The following KCNU1 variants were observed in gnomAD, a reference collection of about 807,000 sequenced individuals.
KCNU1 encodes potassium channel subfamily U member 1.
A neutral mutation model predicts 126.8 loss-of-function variants in KCNU1; 93 were observed. The ratio of observed to expected loss-of-function variants is 0.73; its 90% CI spans 0.62 to 0.87. KCNU1 has a LOEUF of 0.87. Among genes scored for constraint, KCNU1 ranks in the 40% least tolerant of loss-of-function variants. The pLI, the probability that KCNU1 is intolerant of heterozygous loss-of-function variation, is 0.00. For missense variants in KCNU1, 1,330 were observed against 1,367.1 expected, an observed-to-expected ratio of 0.97 and a Z score of 0.43; for synonymous variants, 523 against 494.2, an observed-to-expected ratio of 1.06 and a Z score of -0.77.
intron 19 of KCNU1, among the ~76,000 whole-genome samples, chr8:36,887,803 G>A (rs1585514720): frequency 6.6e-6 from 1 of 152,130 alleles, no homozygotes; most frequent in African/African-American, 2.4e-5. Flanking sequence ...TTTCTTAGGT[G>A]TAGGGTACAT....
chr8:36,901,689 G>C (rs752381890), intron 19 of KCNU1, among the ~76,000 whole-genome samples: 48 of 152,122 alleles, frequency 3.2e-4, no homozygotes, highest in Admixed American at 2.6e-4. Flanking sequence ...AAGGTTCATT[G>C]CTTCCTGGAT....
Position 36,886,015 on chromosome 8 carries a change from G to A in KCNU1, c.2010-19693G>A, listed in dbSNP as rs186722412. On this transcript the variant is annotated intron_variant, in intron 19 of 26. Transcript: ENST00000399881. The stretch of plus-strand genomic sequence containing the variant: ...AAAAACAGACCCACGAAAAATCTGA[G>A]ACTTCATCATACAATCATATAATCT... 1.7e-3 allele frequency among the ~76,000 whole-genome samples: 254 copies of A among 152,190 alleles called. 3 individuals carry two copies. The highest frequency in any genetic ancestry group is 0.013 in the South Asian group (63 of 4,818).
At chr8:36,873,373 A>G (rs1806171681) in intron 19 of KCNU1, among the ~76,000 whole-genome samples, 2 of 152,320 alleles carry the variant, frequency 1.3e-5, no homozygotes, top group African/African-American at 4.8e-5. Flanking sequence ...GTGAAAGTCA[A>G]AGACACAACC....
chr8:36,893,785 A>C (rs1807072855), intron 19 of KCNU1, among the ~76,000 whole-genome samples: 1 of 152,072 alleles, frequency 6.6e-6, no homozygotes, highest in South Asian at 2.1e-4. Context: ...TGATTTTGAT[A>C]ATTTTTTTGT....
At chr8:36,839,632 A>G (rs1804877508) in intron 14 of KCNU1, among the ~76,000 whole-genome samples, 1 of 152,162 alleles carries the variant, frequency 6.6e-6, no homozygotes, top group African/African-American at 2.4e-5. Context: ...TCCAAACTGC[A>G]TCACGACCAT....
chr8:36,873,087 A>T (rs2117370497), intron 19 of KCNU1, among the ~76,000 whole-genome samples: 1 of 152,272 alleles, frequency 6.6e-6, no homozygotes, highest in Non-Finnish European at 1.5e-5. Context: ...CTCAAAAAAT[A>T]AACTAACCAA....
intron 7 of KCNU1, among the ~76,000 whole-genome samples, chr8:36,810,187 G>A (rs534986558): frequency 6.6e-6 from 1 of 152,086 alleles, no homozygotes; most frequent in Non-Finnish European, 1.5e-5. Context: ...GGGAGGGACA[G>A]GTTGCAGTGA....
intron 22 of KCNU1, among the ~76,000 whole-genome samples, chr8:36,914,840 C>T (rs6468384): frequency 1.3e-5 from 2 of 151,938 alleles, no homozygotes; most frequent in Non-Finnish European, 2.9e-5. Context: ...TTAAATGTAC[C>T]GAAGTAATCT....
chr8:36,858,521 T>C (rs1022883378), intron 18 of KCNU1, among the ~76,000 whole-genome samples: 2 of 152,142 alleles, frequency 1.3e-5, no homozygotes, highest in African/African-American at 4.8e-5. Context: ...TTTAGTATAG[T>C]TTCATGCAGT....
At chr8:36,792,080 T>C (rs1385569307) in intron 2 of KCNU1, among the ~76,000 whole-genome samples, 2 of 152,174 alleles carry the variant, frequency 1.3e-5, no homozygotes, top group African/African-American at 4.8e-5. Context: ...TCTACACTGA[T>C]CATTTACGGA....
intron 22 of KCNU1, among the ~76,000 whole-genome samples, chr8:36,912,478 G>T (rs2117539851): frequency 6.6e-6 from 1 of 152,244 alleles, no homozygotes; most frequent in Middle Eastern, 3.4e-3. Context: ...TGAACAGCCA[G>T]ACTTAGGAGG....
intron 24 of KCNU1, among the ~76,000 whole-genome samples, chr8:36,925,055 T>A (rs559394166): frequency 2.0e-4 from 30 of 152,244 alleles, no homozygotes; most frequent in African/African-American, 7.2e-4. Flanking sequence ...CAGCACCTGA[T>A]CATGACATTG....
intron 19 of KCNU1, among the ~76,000 whole-genome samples, chr8:36,868,814 G>A (rs1199993174): frequency 6.6e-6 from 1 of 152,030 alleles, no homozygotes; most frequent in Non-Finnish European, 1.5e-5. Flanking sequence ...TTAAATCAAG[G>A]GATCACATGA....
intron 18 of KCNU1, among the ~76,000 whole-genome samples, chr8:36,858,190 A>AC (rs1424560175): frequency 6.6e-6 from 1 of 151,576 alleles, no homozygotes; most frequent in Non-Finnish European, 1.5e-5. Flanking sequence ...AAAAAAAAAA[A>AC]AAAAAAAAAC....
At chr8:36,921,648 G>T (rs915751162) in intron 23 of KCNU1, among the ~76,000 whole-genome samples, 1 of 132,828 alleles carries the variant, frequency 7.5e-6, no homozygotes, top group East Asian at 2.2e-4. Context: ...CAGCCTGGGC[G>T]ATGAAGTGAG....
chr8:36,792,930 G>T (rs532295472), intron 2 of KCNU1, among the ~76,000 whole-genome samples: 5 of 152,104 alleles, frequency 3.3e-5, no homozygotes, highest in African/African-American at 1.2e-4. Context: ...GTTGAACCCT[G>T]TCTCATTCTA....
chr8:36,836,496 G>GATCCAATTTTTA, intron 13 of KCNU1, 131 bp downstream of exon 13: 1 of 654,078 alleles, frequency 1.5e-6, no homozygotes, highest in South Asian at 2.0e-5. Context: ...GTCTTATTAA[G>GATCCAATTTTTA]ATGGATAATC....
chr8:36,883,839 C>A (rs1806586389), intron 19 of KCNU1, among the ~76,000 whole-genome samples: 1 of 152,192 alleles, frequency 6.6e-6, no homozygotes, highest in Non-Finnish European at 1.5e-5. Context: ...TGTGTCCAAT[C>A]AGTTGCAAAA....
intron 18 of KCNU1, among the ~76,000 whole-genome samples, chr8:36,852,080 C>T (rs534230890): frequency 1.3e-5 from 2 of 152,158 alleles, no homozygotes; most frequent in South Asian, 4.2e-4. Context: ...GGTTTTTTCT[C>T]ATGAATGGCT....
Sources: allele counts gnomAD v4.1 joint callset (sites outside exome capture counted in the v4.1 genomes callset), GRCh38; gene constraint gnomAD v4.1.1; transcripts MANE v1.5; gene names NCBI Gene and HGNC (gene_info 2026-07-23, HGNC 2026-07-21).